GRAMD1B: variants seen among roughly 807,000 people sequenced by gnomAD.
The protein encoded by GRAMD1B is protein Aster-B.
Under a neutral mutation model 99.7 loss-of-function variants are expected in GRAMD1B, and 37 were observed. That is an observed-to-expected ratio of 0.37 (90% CI 0.29 to 0.49). The LOEUF is 0.49. Among genes scored for constraint, GRAMD1B ranks in the 20% least tolerant of loss-of-function variants. The probability of loss-of-function intolerance (pLI) is 0.98; values close to 1 mark genes in which losing one functional copy is unlikely to be tolerated. For missense variants in GRAMD1B, 888 were observed against 1,009.2 expected (o/e 0.88, Z 1.63); for synonymous variants, 427 against 387.6 (o/e 1.10, Z -1.19).
At chr11:123,613,392 C>T in intron 15 of GRAMD1B, 63 bp from the exon 16 acceptor site, 2 of 1,196,542 alleles carry the variant, frequency 1.7e-6, no homozygotes, top group African/African-American at 1.5e-5. Flanking sequence ...GAAAATGGTT[C>T]TGCAGAGAGT....
At chr11:123,413,457 T>C (rs890302771) in intron 1 of GRAMD1B, among the ~76,000 whole-genome samples, 4 of 151,962 alleles carry the variant, frequency 2.6e-5, no homozygotes, top group African/African-American at 2.4e-5. Context: ...AGTGTAATTA[T>C]GGGGTAAGGA....
At chr11:123,554,525 CAAAAAAAAA>C (rs750680684) in intron 2 of GRAMD1B, among the ~76,000 whole-genome samples, 3 of 86,538 alleles carry the variant, frequency 3.5e-5, no homozygotes, top group African/African-American at 6.8e-5. Flanking sequence ...CCCATCTTTA[CAAAAAAAAA>C]AAAAAAAAAA....
chr11:123,490,028 G>A (rs1938368456), intron 2 of GRAMD1B, among the ~76,000 whole-genome samples: 1 of 152,162 alleles, frequency 6.6e-6, no homozygotes, highest in Non-Finnish European at 1.5e-5. Flanking sequence ...AATAGCTACT[G>A]CACTCCAGTC....
intron 2 of GRAMD1B, among the ~76,000 whole-genome samples, chr11:123,540,239 TG>T (rs1251977243): frequency 2.0e-5 from 3 of 146,830 alleles, no homozygotes; most frequent in Non-Finnish European, 4.4e-5. Flanking sequence ...GTTTTTTGGT[TG>T]TTTTTTTTTT....
At chr11:123,416,238 G>C (rs546921523) in intron 1 of GRAMD1B, among the ~76,000 whole-genome samples, 1 of 152,250 alleles carries the variant, frequency 6.6e-6, no homozygotes, top group African/African-American at 2.4e-5. Context: ...AAGATCCCCT[G>C]CTTGAATAGA....
chr11:123,584,256 T>G, intron 3 of GRAMD1B, 56 bp from the exon 4 acceptor site: 3 of 814,564 alleles, frequency 3.7e-6, no homozygotes, highest in Non-Finnish European at 5.8e-6. Flanking sequence ...CCCCTGGCCC[T>G]TCCCCCCATT....
At chr11:123,428,668 T>C (rs1157983543), upstream of GRAMD1B, among the ~76,000 whole-genome samples, 3 of 152,264 alleles carry the variant, frequency 2.0e-5, no homozygotes, top group Non-Finnish European at 4.4e-5. Flanking sequence ...ATCCTTGATG[T>C]CTTGCTGAAC....
chr11:123,501,075 T>A (rs1939803208), intron 2 of GRAMD1B, among the ~76,000 whole-genome samples: 1 of 152,228 alleles, frequency 6.6e-6, no homozygotes, highest in Non-Finnish European at 1.5e-5. Context: ...ATACTCATCT[T>A]CTAGATGAGG....
intron 1 of GRAMD1B, among the ~76,000 whole-genome samples, chr11:123,377,823 A>C (rs1442110016): frequency 6.6e-6 from 1 of 152,220 alleles, no homozygotes; most frequent in Non-Finnish European, 1.5e-5. Flanking sequence ...TAAAGAAAAG[A>C]CTTGCAAAAG....
chr11:123,489,865 A>G (rs977229217), intron 2 of GRAMD1B, among the ~76,000 whole-genome samples: 8 of 152,216 alleles, frequency 5.3e-5, no homozygotes, highest in African/African-American at 1.9e-4. Flanking sequence ...TCATTCATTC[A>G]TTCAACAGAC....
At chr11:123,359,005 G>T (rs1358472929) in intron 1 of GRAMD1B, among the ~76,000 whole-genome samples, 1 of 152,142 alleles carries the variant, frequency 6.6e-6, no homozygotes, top group Non-Finnish European at 1.5e-5. Flanking sequence ...TGGCTGAGGT[G>T]TCCCTCACCT....
Position 123,560,513 on chromosome 11 carries a change from G to A in GRAMD1B, c.453-16854G>A, listed in dbSNP as rs1266375003. The A allele has an allele frequency of 3.2e-6, 4 of 1,260,556 alleles. No individual in the cohort carries two copies. The African/African-American group carries it at 6.1e-5, about 19-fold the overall frequency. 78.1% of individuals were successfully genotyped at this position (1,260,556 alleles called of 1,614,324 possible). A position where few individuals can be genotyped will look rare whatever the true frequency, so the allele number is the denominator to read the frequency against. On this transcript the variant is annotated intron_variant, in intron 2 of 19. Coordinates refer to ENST00000635736, the MANE Select transcript of GRAMD1B (RefSeq NM_001387025.1). ...CCTCCCCCGTTAGAAACAGGGCTTT[G>A]GGATGGTCATGGAGGTGAGTGCCCT...
chr11:123,531,461 TA>T (rs1460819466), intron 2 of GRAMD1B, among the ~76,000 whole-genome samples: 1 of 152,220 alleles, frequency 6.6e-6, no homozygotes. Context: ...AGAAAGAATG[TA>T]ACTTTGTAGC....
At chr11:123,395,538 A>C (rs1289495333) in intron 1 of GRAMD1B, among the ~76,000 whole-genome samples, 1 of 152,210 alleles carries the variant, frequency 6.6e-6, no homozygotes, top group Non-Finnish European at 1.5e-5. Context: ...CAAAAAGGAC[A>C]AAGAAAATAT....
At chr11:123,392,133 A>C in intron 1 of GRAMD1B, among the ~76,000 whole-genome samples, 1 of 152,126 alleles carries the variant, frequency 6.6e-6, no homozygotes, top group Non-Finnish European at 1.5e-5. Context: ...GGAGTTAGGA[A>C]GGAGTGTGGT....
At chr11:123,493,779 A>G (rs12364429) in intron 2 of GRAMD1B, among the ~76,000 whole-genome samples, 10,276 of 152,166 alleles carry the variant, frequency 0.068, 499 homozygotes, top group Middle Eastern at 0.11. Context: ...AGATGTTCCT[A>G]TTGTTCAGAT....
At chr11:123,369,259 C>G (rs575851724) in intron 1 of GRAMD1B, among the ~76,000 whole-genome samples, 1 of 151,996 alleles carries the variant, frequency 6.6e-6, no homozygotes, top group South Asian at 2.1e-4. Flanking sequence ...TATGATCACA[C>G]CATTGCACTC....
intron 1 of GRAMD1B, among the ~76,000 whole-genome samples, chr11:123,437,516 C>T (rs1195822708): frequency 1.3e-5 from 2 of 152,182 alleles, no homozygotes; most frequent in Admixed American, 1.3e-4. Context: ...TATACCTTCA[C>T]TGTTACTATC....
rs1425970276 is a variant in GRAMD1B, at chr11:123,617,854, T to A, written c.2319-839T>A. On this transcript the variant is annotated intron_variant, in intron 17 of 19. Transcript: ENST00000635736. Reference sequence around the variant, plus strand: ...AAGGAGAGAATTTCTGCAGTCTCTCTATGACTCCCCACAGCCCCTCCAGCC... The same window carrying A: ...AAGGAGAGAATTTCTGCAGTCTCTCAATGACTCCCCACAGCCCCTCCAGCC... Among the ~76,000 whole-genome samples, 4 of 121,702 alleles carry A rather than the reference T, an allele frequency of 3.3e-5. No homozygotes were observed. The East Asian group carries it at 9.4e-4, about 29-fold the overall frequency. 79.8% of individuals were successfully genotyped at this position (121,702 alleles called of 152,430 possible).
Sources: gnomAD v4.1 joint callset for allele counts (sites outside exome capture counted in the v4.1 genomes callset) on GRCh38, gnomAD v4.1.1 for gene constraint, MANE v1.5 for transcripts, NCBI Gene and HGNC (gene_info 2026-07-23, HGNC 2026-07-21) for gene names.